FRMD4A: variants seen among roughly 807,000 people sequenced by gnomAD.
FRMD4A encodes the protein FERM domain containing 4A, also known as FERM domain-containing protein 4A.
FRMD4A carries 29 observed loss-of-function variants against 129.1 expected under a neutral mutation model. The ratio of observed to expected loss-of-function variants is 0.22; its 90% CI spans 0.17 to 0.31. The LOEUF (loss-of-function observed/expected upper bound fraction) is 0.31, where lower values mean the gene tolerates loss of function less well. FRMD4A is among the 10% of genes least tolerant of loss of function. The pLI is 1.00. For synonymous variants in FRMD4A, 634 were observed against 571.6 expected, an observed-to-expected ratio of 1.11 and a Z score of -1.56; for missense variants, 1,272 against 1,375.8, an observed-to-expected ratio of 0.92 and a Z score of 1.19.
Position 14,195,059 on chromosome 10 carries a change from C to A in FRMD4A, c.45+134999G>T, listed in dbSNP as rs571740025. Among the ~76,000 whole-genome samples, 21 of 152,220 alleles carry A rather than the reference C, an allele frequency of 1.4e-4. No homozygotes were observed. The South Asian group carries it at 4.4e-3, about 32-fold the overall frequency. On this transcript the variant is annotated intron_variant, in intron 2 of 24. Coordinates refer to ENST00000357447, the MANE Select transcript of FRMD4A (RefSeq NM_018027.5). ...CTTTCATTCCTTAAAAGTGAAATAG[C>A]AATTCTTATTCTCAGGGTAGGCTCA...
intron 2 of FRMD4A, among the ~76,000 whole-genome samples, chr10:14,246,650 A>G (rs983221150): frequency 2.0e-5 from 3 of 152,260 alleles, no homozygotes; most frequent in African/African-American, 7.2e-5. Flanking sequence ...CACTGATACA[A>G]TAGTGAACTA....
At chr10:13,696,325 T>TCTGTTATG (rs369046777) in intron 14 of FRMD4A, among the ~76,000 whole-genome samples, 199 of 152,266 alleles carry the variant, frequency 1.3e-3, no homozygotes, top group African/African-American at 4.6e-3. Context: ...TCTACATCGC[T>TCTGTTATG]CTGTTATGGA....
chr10:13,927,181 C>T (rs992760354), intron 2 of FRMD4A, among the ~76,000 whole-genome samples: 10 of 151,536 alleles, frequency 6.6e-5, no homozygotes, highest in Admixed American at 2.0e-4. Context: ...CGCTTGAACC[C>T]GGGAGGCAGA....
At chr10:13,927,273 T>C (rs1208553075) in intron 2 of FRMD4A, among the ~76,000 whole-genome samples, 1 of 151,028 alleles carries the variant, frequency 6.6e-6, no homozygotes, top group African/African-American at 2.4e-5. Flanking sequence ...AAAAAAAAAA[T>C]TCGGTTGAGA....
intron 2 of FRMD4A, among the ~76,000 whole-genome samples, chr10:14,070,857 A>G (rs1409915537): frequency 6.6e-6 from 1 of 152,230 alleles, no homozygotes; most frequent in East Asian, 1.9e-4. Context: ...ATATTTAAAG[A>G]TCCCTGACTT....
chr10:14,143,447 C>G (rs564831390), intron 2 of FRMD4A, among the ~76,000 whole-genome samples: 56 of 152,272 alleles, frequency 3.7e-4, no homozygotes, highest in African/African-American at 1.3e-3. Flanking sequence ...ATAGACACAG[C>G]AAGTTGAATG....
intron 4 of FRMD4A, among the ~76,000 whole-genome samples, chr10:13,799,407 C>A (rs1168144911): frequency 6.6e-6 from 1 of 152,222 alleles, no homozygotes; most frequent in African/African-American, 2.4e-5. Context: ...ATCCACCTGC[C>A]TCGGCCTCCC....
intron 2 of FRMD4A, among the ~76,000 whole-genome samples, chr10:14,245,677 G>C (rs1844209295): frequency 6.6e-6 from 1 of 152,132 alleles, no homozygotes; most frequent in Non-Finnish European, 1.5e-5. Context: ...AGGAAATTTG[G>C]ACAGACATTG....
intron 8 of FRMD4A, among the ~76,000 whole-genome samples, chr10:13,748,795 A>G (rs1417490281): frequency 1.3e-5 from 2 of 152,192 alleles, no homozygotes; most frequent in African/African-American, 4.8e-5. Flanking sequence ...GAGGATGCTC[A>G]ACCAGTTGGT....
At chr10:14,315,836 A>T (rs922202674) in intron 2 of FRMD4A, among the ~76,000 whole-genome samples, 4 of 152,184 alleles carry the variant, frequency 2.6e-5, no homozygotes, top group African/African-American at 9.7e-5. Flanking sequence ...CTCCTCTCAC[A>T]TGCCCTTACT....
At chr10:14,037,449 C>G (rs1050634593) in intron 2 of FRMD4A, among the ~76,000 whole-genome samples, 1 of 152,188 alleles carries the variant, frequency 6.6e-6, no homozygotes, top group African/African-American at 2.4e-5. Context: ...AACTCCTGAC[C>G]TCATGTGATC....
At chr10:13,688,461 G>A (rs962498384) in intron 15 of FRMD4A, among the ~76,000 whole-genome samples, 1 of 151,988 alleles carries the variant, frequency 6.6e-6, no homozygotes, top group African/African-American at 2.4e-5. Flanking sequence ...GAGTTAATCG[G>A]TGCAGCACAC....
intron 4 of FRMD4A, among the ~76,000 whole-genome samples, chr10:13,801,125 T>TA (rs2093245071): frequency 6.6e-6 from 1 of 152,180 alleles, no homozygotes; most frequent in African/African-American, 2.4e-5. Context: ...CACGTGCCTG[T>TA]AGTCCCAGCT....
chr10:13,945,636 C>T (rs2095325846), intron 2 of FRMD4A, among the ~76,000 whole-genome samples: 1 of 152,150 alleles, frequency 6.6e-6, no homozygotes, highest in Non-Finnish European at 1.5e-5. Context: ...GGTTCAAATT[C>T]GAACTGGTTT....
At chr10:14,184,892 A>C (rs544738370) in intron 2 of FRMD4A, among the ~76,000 whole-genome samples, 1 of 152,296 alleles carries the variant, frequency 6.6e-6, no homozygotes, top group East Asian at 1.9e-4. Context: ...CTGCGTGGGT[A>C]CTGCGATGGA....
At chr10:13,938,228 G>GCTGT in intron 2 of FRMD4A, among the ~76,000 whole-genome samples, 1 of 141,288 alleles carries the variant, frequency 7.1e-6, no homozygotes, top group Non-Finnish European at 1.6e-5. Context: ...GTTTTTTGTT[G>GCTGT]TTGCTGTTTG....
At chr10:13,650,918 G>A (rs2081525448) in intron 24 of FRMD4A, 1 of 151,082 alleles carries the variant, frequency 6.6e-6, no homozygotes, top group Non-Finnish European at 1.5e-5. Context: ...CCTCATTTCT[G>A]AATCCTCTCA....
intron 2 of FRMD4A, among the ~76,000 whole-genome samples, chr10:13,881,993 GTGT>G (rs1564965490): frequency 0.014 from 2,052 of 146,252 alleles, 48 homozygotes; most frequent in African/African-American, 0.026. Context: ...AGGCAAGGGT[GTGT>G]GTGTGTGTGT....
At chr10:13,876,137 C>T (rs1204097620) in intron 2 of FRMD4A, among the ~76,000 whole-genome samples, 4 of 152,206 alleles carry the variant, frequency 2.6e-5, no homozygotes, top group Non-Finnish European at 5.9e-5. Flanking sequence ...GAAAGGATTA[C>T]AGAACTCAGG....
Sources: allele counts gnomAD v4.1 joint callset (sites outside exome capture counted in the v4.1 genomes callset), GRCh38; gene constraint gnomAD v4.1.1; transcripts MANE v1.5; gene names NCBI Gene and HGNC (gene_info 2026-07-23, HGNC 2026-07-21).